The following TANC1 variants were observed in gnomAD, a reference collection of about 807,000 sequenced individuals.
TANC1 encodes the protein protein TANC1.
Under a neutral mutation model 149.7 loss-of-function variants are expected in TANC1, and 77 were observed. That is an observed-to-expected ratio of 0.51 (90% CI 0.43 to 0.62). The LOEUF is 0.62. Ranked by LOEUF, TANC1 falls within the 20% of genes least tolerant of loss-of-function variation. TANC1 has a pLI of 0.00. For missense variants in TANC1, 1,985 were observed against 2,321.8 expected (o/e 0.85, Z 2.98); for synonymous variants, 854 against 925.0 (o/e 0.92, Z 1.39).
chr2:159,004,350 A>G, intron 2 of TANC1: 1 of 1,593,102 alleles, frequency 6.3e-7, no homozygotes, highest in South Asian at 1.1e-5. Flanking sequence ...GCTGGCATGG[A>G]CTAGATTGAA....
chr2:159,219,630 A>G (rs766914051), intron 21 of TANC1, 62 bp from the exon 22 acceptor site: 238 of 1,601,926 alleles, frequency 1.5e-4, no homozygotes, highest in Admixed American at 2.5e-4. Flanking sequence ...GTGTGAAACA[A>G]TTTGCTTTCT....
At chr2:159,177,159 C>T (rs1237971607) in intron 13 of TANC1, among the ~76,000 whole-genome samples, 1 of 152,156 alleles carries the variant, frequency 6.6e-6, no homozygotes, top group Non-Finnish European at 1.5e-5. Flanking sequence ...ATCCACCCAC[C>T]TTGGCCTCCC....
chr2:159,087,281 G>GT (rs1240410318), intron 3 of TANC1, among the ~76,000 whole-genome samples: 2 of 152,070 alleles, frequency 1.3e-5, no homozygotes. Flanking sequence ...AGTGGATTCT[G>GT]TTTTTTCTCT....
Position 159,231,049 on chromosome 2 carries a change from T to A in TANC1, c.*37T>A. On this transcript the variant is annotated 3_prime_UTR_variant, in exon 27 of 27. Transcript: ENST00000263635. ...TCCCCATTTGTGGAATTTGGAAACGTGTGTTGACTCCTGGTGGTAAATTAA... is the reference window on the plus strand; with the variant it reads ...TCCCCATTTGTGGAATTTGGAAACGAGTGTTGACTCCTGGTGGTAAATTAA... The A allele has an allele frequency of 6.8e-7, 1 of 1,462,580 alleles. No individual in the cohort carries two copies. Among genetic ancestry groups the A allele is most frequent in the Non-Finnish European group, 9.3e-7 (1 of 1,072,472 alleles). The allele number at this position is 1,462,580 out of a possible 1,614,324, so 90.6% of individuals were successfully genotyped here. A position where few individuals can be genotyped will look rare whatever the true frequency, so the allele number is the denominator to read the frequency against.
At chr2:159,009,603 G>T (rs1373212991) in intron 2 of TANC1, among the ~76,000 whole-genome samples, 1 of 152,162 alleles carries the variant, frequency 6.6e-6, no homozygotes, top group Admixed American at 6.5e-5. Flanking sequence ...AGTTTTGGAG[G>T]AGGGATGGAG....
intron 19 of TANC1, among the ~76,000 whole-genome samples, chr2:159,209,567 G>A (rs745742181): frequency 2.0e-5 from 3 of 152,162 alleles, no homozygotes; most frequent in Non-Finnish European, 2.9e-5. Context: ...TCAGTGTGAC[G>A]GCCGAGCTCC....
At chr2:159,094,586 G>A (rs959132373) in intron 3 of TANC1, among the ~76,000 whole-genome samples, 6 of 152,110 alleles carry the variant, frequency 3.9e-5, no homozygotes, top group African/African-American at 1.2e-4. Flanking sequence ...CTGTTTCCTC[G>A]CCAGACAGTT....
chr2:159,018,273 C>G (rs1051825704), intron 2 of TANC1, among the ~76,000 whole-genome samples: 2 of 152,260 alleles, frequency 1.3e-5, no homozygotes, highest in East Asian at 1.9e-4. Context: ...GCTTCCAGAT[C>G]GAAAAGGAAG....
At chr2:159,089,171 G>C (rs1434339412) in intron 3 of TANC1, among the ~76,000 whole-genome samples, 1 of 151,994 alleles carries the variant, frequency 6.6e-6, no homozygotes, top group African/African-American at 2.4e-5. Flanking sequence ...CTGGAGTGTG[G>C]TTAGGCCACC....
chr2:159,059,026 T>G (rs1233823930), intron 2 of TANC1, among the ~76,000 whole-genome samples: 1 of 152,244 alleles, frequency 6.6e-6, no homozygotes, highest in African/African-American at 2.4e-5. Context: ...AAATTTACTA[T>G]GCTTTTTAAT....
chr2:159,195,685 A>T (rs1159222357), intron 17 of TANC1, among the ~76,000 whole-genome samples: 2 of 142,198 alleles, frequency 1.4e-5, no homozygotes, highest in African/African-American at 5.5e-5. Flanking sequence ...ATGTGTGGCT[A>T]AGCCTTTGGG....
chr2:159,223,168 G>C (rs1435522071), intron 22 of TANC1, among the ~76,000 whole-genome samples: 1 of 152,242 alleles, frequency 6.6e-6, no homozygotes, highest in Non-Finnish European at 1.5e-5. Context: ...GCCTCCCAAA[G>C]TGCTGGGATT....
intron 8 of TANC1, among the ~76,000 whole-genome samples, chr2:159,168,317 T>TG (rs11450394): frequency 2.7e-5 from 4 of 150,726 alleles, no homozygotes; most frequent in Non-Finnish European, 5.9e-5. Flanking sequence ...TTTTTTTTTT[T>TG]GAGACAGAGT....
At chr2:159,013,551 G>T (rs1204404238) in intron 2 of TANC1, among the ~76,000 whole-genome samples, 1 of 152,208 alleles carries the variant, frequency 6.6e-6, no homozygotes, top group Non-Finnish European at 1.5e-5. Flanking sequence ...ATGCTGGCTA[G>T]GGGGTAAGAT....
At chr2:159,189,924 A>G (rs2057312935) in intron 16 of TANC1, among the ~76,000 whole-genome samples, 1 of 152,214 alleles carries the variant, frequency 6.6e-6, no homozygotes. Flanking sequence ...TGGAGGGTTA[A>G]GTGGTAAAAA....
intron 19 of TANC1, among the ~76,000 whole-genome samples, chr2:159,201,939 T>G (rs13003172): frequency 6.6e-6 from 1 of 152,088 alleles, no homozygotes; most frequent in Non-Finnish European, 1.5e-5. Flanking sequence ...GGAGGACAGC[T>G]ACCTGCCCAT....
chr2:159,168,203 T>C (rs1409741232), intron 8 of TANC1, among the ~76,000 whole-genome samples: 1 of 152,226 alleles, frequency 6.6e-6, no homozygotes, highest in Non-Finnish European at 1.5e-5. Context: ...ACGTGTACTA[T>C]GTACTTGCTT....
At chr2:159,018,955 T>C (rs763595815) in intron 2 of TANC1, among the ~76,000 whole-genome samples, 20 of 152,236 alleles carry the variant, frequency 1.3e-4, no homozygotes, top group Non-Finnish European at 2.2e-4. Flanking sequence ...TAACATCTAA[T>C]ATTTATAGAG....
intron 2 of TANC1, among the ~76,000 whole-genome samples, chr2:159,009,731 A>G (rs750653104): frequency 2.6e-4 from 39 of 152,308 alleles, no homozygotes; most frequent in Admixed American, 4.6e-4. Flanking sequence ...ATATTTTCAG[A>G]TAGCTAGAAG....
Sources: allele counts gnomAD v4.1 joint callset (sites outside exome capture counted in the v4.1 genomes callset), GRCh38; gene constraint gnomAD v4.1.1; transcripts MANE v1.5; gene names NCBI Gene and HGNC (gene_info 2026-07-23, HGNC 2026-07-21).